Variants in USH2A observed in about 807,000 individuals in gnomAD.
The protein encoded by USH2A is usherin, also known as Usher syndrome 2A (autosomal recessive, mild).
A neutral mutation model predicts 538.9 loss-of-function variants in USH2A; 443 were observed. That is an observed-to-expected ratio of 0.82 (90% CI 0.76 to 0.89). The LOEUF (loss-of-function observed/expected upper bound fraction) is 0.89, where lower values mean the gene tolerates loss of function less well. Among genes scored for constraint, USH2A ranks in the 40% least tolerant of loss-of-function variants. USH2A has a pLI of 0.00. For missense variants in USH2A, 6,633 were observed against 6,324.8 expected (o/e 1.05, Z -1.65); for synonymous variants, 2,413 against 2,273.5 (o/e 1.06, Z -1.75).
At chr1:216,003,572 A>G (rs1668323402) in intron 32 of USH2A, among the ~76,000 whole-genome samples, 1 of 152,062 alleles carries the variant, frequency 6.6e-6, no homozygotes, top group Non-Finnish European at 1.5e-5. Flanking sequence ...GAGAGGGAAC[A>G]AGCAGAGCAA....
chr1:215,901,061 C>T, intron 38 of USH2A, 156 bp from the exon 39 acceptor site: 3 of 879,238 alleles, frequency 3.4e-6, no homozygotes, highest in Non-Finnish European at 5.4e-6. Context: ...TTCCTGAACT[C>T]CTGTACTTCC....
In USH2A at chr1:215,758,648, T is replaced by C; in HGVS notation, c.11336A>G (p.Tyr3779Cys). The C allele has an allele frequency of 3.7e-6, 6 of 1,613,868 alleles. No homozygotes were observed. The highest frequency in any genetic ancestry group is 3.4e-6 in the Non-Finnish European group (4 of 1,179,848). The change falls in exon 58 of 72, where the codon TAT becomes TGT. Residue 3779 changes from tyrosine to cysteine, a missense_variant. Tyr to Cys is a radical substitution (Grantham distance 194, BLOSUM62 -2). Coordinates refer to ENST00000307340, the MANE Select transcript of USH2A (RefSeq NM_206933.4). ...ATAAGGCCCAATTACTGTGATATTA[T>C]ATGGAGGATAGATTTCTTCTGGTGT... ...MSTPEEIYPPYNITVIGPYSI... is the reference protein window; with the variant it reads ...MSTPEEIYPPCNITVIGPYSI...
intron 4 of USH2A, among the ~76,000 whole-genome samples, chr1:216,331,510 A>C (rs895322318): frequency 1.3e-5 from 2 of 152,098 alleles, no homozygotes; most frequent in African/African-American, 2.4e-5. Context: ...CAGGGTAAAA[A>C]CAGATAATAA....
intron 9 of USH2A, among the ~76,000 whole-genome samples, chr1:216,299,797 A>T (rs2037179342): frequency 6.6e-6 from 1 of 152,190 alleles, no homozygotes; most frequent in South Asian, 2.1e-4. Context: ...CAGTAAACAG[A>T]GTATGATTTG....
Position 216,160,661 on chromosome 1 carries a change from T to C in USH2A, c.4627+14591A>G, listed in dbSNP as rs143358784. 3.3e-5 allele frequency among the ~76,000 whole-genome samples: 5 copies of C among 152,212 alleles called. No homozygotes were observed. The East Asian group carries it at 9.7e-4, about 29-fold the overall frequency. On this transcript the variant is annotated intron_variant, in intron 21 of 71. Transcript: ENST00000307340. ...CCCAGGATATTAACTATTTGGAAAA[T>C]GTCCTATGTGTTCCTCAAAAATGCA...
chr1:216,107,918 C>G (rs1227946183), intron 21 of USH2A, among the ~76,000 whole-genome samples: 1 of 151,780 alleles, frequency 6.6e-6, no homozygotes, highest in Non-Finnish European at 1.5e-5. Flanking sequence ...CAACATACTT[C>G]CATTTACCAT....
chr1:215,741,027 G>C (rs1224651101), intron 60 of USH2A, among the ~76,000 whole-genome samples: 1 of 152,098 alleles, frequency 6.6e-6, no homozygotes, highest in East Asian at 1.9e-4. Context: ...CGGACTCTGT[G>C]GCCTGGGGGT....
chr1:215,968,544 T>C (rs989845958), intron 36 of USH2A, among the ~76,000 whole-genome samples: 5 of 152,192 alleles, frequency 3.3e-5, no homozygotes, highest in Non-Finnish European at 5.9e-5. Flanking sequence ...TCATATTTTT[T>C]ATTATATGAA....
chr1:216,094,732 C>CA (rs2032397586), intron 22 of USH2A, among the ~76,000 whole-genome samples: 5 of 151,990 alleles, frequency 3.3e-5, no homozygotes, highest in Admixed American at 3.3e-4. Context: ...CAACAACCAT[C>CA]TTTCTTTCAT....
chr1:216,322,078 A>G (rs1449836942), intron 8 of USH2A, 102 bp from the exon 9 acceptor site: 5 of 1,067,402 alleles, frequency 4.7e-6, no homozygotes, highest in Non-Finnish European at 7.2e-6. Flanking sequence ...AACAGGGAAG[A>G]TTTTTGTATA....
At chr1:216,101,842 A>G (rs141220271) in intron 21 of USH2A, among the ~76,000 whole-genome samples, 60 of 152,368 alleles carry the variant, frequency 3.9e-4, no homozygotes, top group African/African-American at 1.3e-3. Context: ...TACAAATGGT[A>G]TACATGAGAT....
chr1:215,795,844 G>A (rs180813296), intron 50 of USH2A, among the ~76,000 whole-genome samples: 73 of 152,202 alleles, frequency 4.8e-4, no homozygotes, highest in Admixed American at 4.5e-3. Flanking sequence ...CCTTTTATAC[G>A]CTTACGAATT....
At chr1:216,279,504 G>A (rs10779667) in intron 11 of USH2A, among the ~76,000 whole-genome samples, 88,767 of 151,892 alleles carry the variant, frequency 0.58, 27,961 homozygotes, top group East Asian at 0.75. Flanking sequence ...TAACTCCTTG[G>A]TTATCAAAAA....
chr1:216,088,984 G>A (rs764970948), intron 23 of USH2A, 29 bp downstream of exon 23: 2 of 1,612,338 alleles, frequency 1.2e-6, no homozygotes, highest in Admixed American at 1.7e-5. Flanking sequence ...TATCAACAGG[G>A]CTATTTATAC....
Position 215,625,708 on chromosome 1 carries a change from TG to T in USH2A, c.*72del. The T allele has an allele frequency of 1.5e-6, 2 of 1,332,096 alleles. No individual in the cohort carries two copies. Among genetic ancestry groups the T allele is most frequent in the Non-Finnish European group, 2.2e-6 (2 of 923,468 alleles). The allele number at this position is 1,332,096 out of a possible 1,614,324, so 82.5% of individuals were successfully genotyped here. ...CAATGGCTTTTCAGCATTTATGATG[TG>T]TGAGTGATAACCCAGGAGGAAATGG... On this transcript the variant is annotated 3_prime_UTR_variant, in exon 72 of 72. Transcript: ENST00000307340.
intron 48 of USH2A, among the ~76,000 whole-genome samples, chr1:215,816,087 A>G (rs1228381062): frequency 6.6e-6 from 1 of 152,062 alleles, no homozygotes; most frequent in Non-Finnish European, 1.5e-5. Context: ...GTTTTTCTTA[A>G]GTGGAGGATA....
Position 216,366,384 on chromosome 1 carries a change from G to T in USH2A, c.652-1299C>A, listed in dbSNP as rs78743182. On this transcript the variant is annotated intron_variant, in intron 3 of 71. Transcript: ENST00000307340. ...TCTGGTGCAGGGCTTTAATAGAGGGGGAGGCTGTGGGTACATGGGGGTACA... is the reference window on the plus strand; with the variant it reads ...TCTGGTGCAGGGCTTTAATAGAGGGTGAGGCTGTGGGTACATGGGGGTACA... Among the ~76,000 whole-genome samples, 1,299 of 152,100 alleles carry T rather than the reference G, an allele frequency of 8.5e-3. 6 individuals are homozygous for T. Among genetic ancestry groups the T allele is most frequent in the Middle Eastern group, 0.031 (9 of 294 alleles).
chr1:216,010,404 C>T (rs1668531019), intron 32 of USH2A, among the ~76,000 whole-genome samples: 1 of 152,096 alleles, frequency 6.6e-6, no homozygotes, highest in South Asian at 2.1e-4. Flanking sequence ...GGCAGCCACT[C>T]CCAGAGCCCC....
intron 61 of USH2A, among the ~76,000 whole-genome samples, chr1:215,700,797 C>T (rs182344151): frequency 1.3e-5 from 2 of 152,088 alleles, no homozygotes; most frequent in East Asian, 1.9e-4. Flanking sequence ...TTTTTCATGT[C>T]TCTATCTTCT....
Sources: allele counts gnomAD v4.1 joint callset (sites outside exome capture counted in the v4.1 genomes callset), GRCh38; gene constraint gnomAD v4.1.1; transcripts MANE v1.5; gene names NCBI Gene and HGNC (gene_info 2026-07-23, HGNC 2026-07-21).